The following ARHGAP28 variants were observed in gnomAD, a reference collection of about 807,000 sequenced individuals.
ARHGAP28 encodes the protein Rho GTPase activating protein 28.
Under a neutral mutation model 90.7 loss-of-function variants are expected in ARHGAP28, and 56 were observed. The ratio of observed to expected loss-of-function variants is 0.62; its 90% confidence interval spans 0.50 to 0.77. The LOEUF is 0.77. Among genes scored for constraint, ARHGAP28 ranks in the 30% least tolerant of loss-of-function variants. The probability of loss-of-function intolerance (pLI) is 0.00; values close to 1 mark genes in which losing one functional copy is unlikely to be tolerated. For missense variants in ARHGAP28, 869 were observed against 900.9 expected (o/e 0.96, Z 0.45); for synonymous variants, 308 against 323.3 (o/e 0.95, Z 0.51).
chr18:6,837,000 CTA>C (rs1038726797), intron 2 of ARHGAP28, among the ~76,000 whole-genome samples, 195 bp from the exon 3 acceptor site: 15 of 152,132 alleles, frequency 9.9e-5, no homozygotes, highest in Middle Eastern at 3.2e-3. Flanking sequence ...TTACCTTACT[CTA>C]TTAGAAAATA....
chr18:6,788,138 G>A (rs2056379495), intron 1 of ARHGAP28, among the ~76,000 whole-genome samples: 1 of 152,130 alleles, frequency 6.6e-6, no homozygotes, highest in Admixed American at 6.5e-5. Flanking sequence ...GGATTGTGGA[G>A]GTGGAGTTCT....
At chr18:6,909,939 C>T (rs561076712) in intron 17 of ARHGAP28, among the ~76,000 whole-genome samples, 1 of 152,224 alleles carries the variant, frequency 6.6e-6, no homozygotes, top group South Asian at 2.1e-4. Flanking sequence ...GGCAATTTCC[C>T]TCACCTTTAT....
At chr18:6,817,090 A>C (rs145983152) in intron 1 of ARHGAP28, among the ~76,000 whole-genome samples, 5,201 of 151,634 alleles carry the variant, frequency 0.034, 289 homozygotes, top group African/African-American at 0.12. Context: ...TGTCTTAAAA[A>C]AAAAAAAAAA....
At position 6,746,155 on chromosome 18, in the gene ARHGAP28, A is replaced by G. The variant is rs796813673; in HGVS notation, c.122+16212A>G. Among the ~76,000 whole-genome samples, 165 of 152,240 alleles carry G rather than the reference A, an allele frequency of 1.1e-3. 3 individuals are homozygous for G. Among genetic ancestry groups the G allele is most frequent in the African/African-American group, 3.8e-3 (159 of 41,534 alleles). The stretch of plus-strand genomic sequence containing the variant: ...GTCTTCTCAGCATTTAAGGTGTTTT[A>G]CCTTCCCAAAGCATATATACATTTC... On this transcript the variant is annotated intron_variant, in intron 1 of 17. Coordinates refer to ENST00000383472, the MANE Select transcript of ARHGAP28 (RefSeq NM_001366230.1).
chr18:6,887,744 G>A (rs1314280267), intron 12 of ARHGAP28, among the ~76,000 whole-genome samples: 2 of 152,152 alleles, frequency 1.3e-5, no homozygotes, highest in African/African-American at 4.8e-5. Flanking sequence ...AAACATTTAA[G>A]TTTCATTCAC....
chr18:6,866,959 T>G (rs2057042457), intron 5 of ARHGAP28, among the ~76,000 whole-genome samples: 1 of 152,214 alleles, frequency 6.6e-6, no homozygotes, highest in Non-Finnish European at 1.5e-5. Context: ...AGGGAAAAGT[T>G]GTCCACATCT....
chr18:6,734,744 T>A (rs2055911646), intron 1 of ARHGAP28, among the ~76,000 whole-genome samples: 1 of 152,238 alleles, frequency 6.6e-6, no homozygotes. Flanking sequence ...TATGAGCTTA[T>A]GTACACATGC....
intron 3 of ARHGAP28, among the ~76,000 whole-genome samples, chr18:6,850,237 T>C (rs1352550767): frequency 1.3e-5 from 2 of 152,226 alleles, no homozygotes; most frequent in East Asian, 3.8e-4. Flanking sequence ...AATTATTAAA[T>C]AATTATAAAT....
chr18:6,795,975 A>G, intron 1 of ARHGAP28, among the ~76,000 whole-genome samples: 1 of 152,250 alleles, frequency 6.6e-6, no homozygotes, highest in Non-Finnish European at 1.5e-5. Flanking sequence ...GCATATGACA[A>G]AAGCCAGACC....
chr18:6,809,655 A>G (rs1243888349), intron 1 of ARHGAP28, among the ~76,000 whole-genome samples: 1 of 152,184 alleles, frequency 6.6e-6, no homozygotes, highest in African/African-American at 2.4e-5. Context: ...AGATCTTATT[A>G]GAACTCTATC....
chr18:6,908,706 A>G (rs975239392), intron 16 of ARHGAP28, among the ~76,000 whole-genome samples: 4 of 152,194 alleles, frequency 2.6e-5, no homozygotes, highest in Non-Finnish European at 4.4e-5. Context: ...TGTGGCCTGA[A>G]TGGGCTCTAT....
At chr18:6,892,971 T>C (rs925379535) in intron 14 of ARHGAP28, among the ~76,000 whole-genome samples, 2 of 152,258 alleles carry the variant, frequency 1.3e-5, no homozygotes, top group Admixed American at 1.3e-4. Context: ...CTCAATCATA[T>C]GGCCTTTATA....
intron 1 of ARHGAP28, among the ~76,000 whole-genome samples, chr18:6,778,259 A>G (rs1013713825): frequency 6.6e-6 from 1 of 152,216 alleles, no homozygotes; most frequent in Non-Finnish European, 1.5e-5. Context: ...ATGGATCCAC[A>G]TGAAATGACT....
chr18:6,850,217 ATCTC>A (rs971948987), intron 3 of ARHGAP28, among the ~76,000 whole-genome samples: 24 of 152,220 alleles, frequency 1.6e-4, no homozygotes, highest in Admixed American at 5.9e-4. Flanking sequence ...CGCCTCTCAG[ATCTC>A]TCTAAAATTA....
intron 1 of ARHGAP28, among the ~76,000 whole-genome samples, chr18:6,781,535 G>A (rs769935054): frequency 3.9e-5 from 6 of 152,146 alleles, no homozygotes; most frequent in Non-Finnish European, 8.8e-5. Context: ...GGGAGCGGGA[G>A]CTGCTGTCTC....
chr18:6,751,200 A>G (rs902045005), intron 1 of ARHGAP28, among the ~76,000 whole-genome samples: 1 of 152,126 alleles, frequency 6.6e-6, no homozygotes, highest in Non-Finnish European at 1.5e-5. Context: ...AGAGAAGACA[A>G]TTTTTTAAAT....
At chr18:6,855,470 CA>C (rs1344223048) in intron 4 of ARHGAP28, among the ~76,000 whole-genome samples, 4 of 152,178 alleles carry the variant, frequency 2.6e-5, no homozygotes, top group African/African-American at 9.7e-5. Context: ...AGCTACCCAC[CA>C]GGGGTCTCCT....
intron 1 of ARHGAP28, among the ~76,000 whole-genome samples, chr18:6,782,140 G>A (rs1016942487): frequency 2.0e-5 from 3 of 152,118 alleles, no homozygotes; most frequent in African/African-American, 7.2e-5. Context: ...CCCAGCCTTG[G>A]GAAGGTCTGC....
chr18:6,911,869 A>G (rs1273388827), intron 17 of ARHGAP28, among the ~76,000 whole-genome samples, 191 bp from the exon 18 acceptor site: 1 of 152,176 alleles, frequency 6.6e-6, no homozygotes, highest in Admixed American at 6.5e-5. Context: ...AGAAAGAAAA[A>G]AAAAAGAAAG....
Sources: allele counts gnomAD v4.1 joint callset (sites outside exome capture counted in the v4.1 genomes callset), GRCh38; gene constraint gnomAD v4.1.1; transcripts MANE v1.5; gene names NCBI Gene and HGNC (gene_info 2026-07-23, HGNC 2026-07-21).